The following SOX6 variants were observed in gnomAD, a reference collection of about 807,000 sequenced individuals.
SOX6 encodes SRY-box transcription factor 6.
SOX6 carries 11 observed loss-of-function variants against 97.8 expected under a neutral mutation model. That is an observed-to-expected ratio of 0.11 (90% CI 0.07 to 0.19). SOX6 has a LOEUF of 0.19. Ranked by LOEUF, SOX6 falls within the 10% of genes least tolerant of loss-of-function variation. The probability of loss-of-function intolerance (pLI) is 1.00; values close to 1 mark genes in which losing one functional copy is unlikely to be tolerated. For missense variants in SOX6, 810 were observed against 1,039.5 expected, an observed-to-expected ratio of 0.78 and a Z score of 3.04; for synonymous variants, 360 against 371.4, an observed-to-expected ratio of 0.97 and a Z score of 0.35.
intron 3 of SOX6, among the ~76,000 whole-genome samples, chr11:16,622,542 A>C (rs895635876): frequency 3.3e-5 from 5 of 152,106 alleles, no homozygotes; most frequent in African/African-American, 1.2e-4. Context: ...TTCCTGAGTT[A>C]CTCTGCTTAC....
intron 4 of SOX6, among the ~76,000 whole-genome samples, chr11:16,539,373 A>T (rs931200279): frequency 6.6e-6 from 1 of 152,238 alleles, no homozygotes; most frequent in Non-Finnish European, 1.5e-5. Context: ...AGCAGGAAAC[A>T]TCTAAAATCG....
At chr11:16,202,966 G>A (rs1302580804) in intron 4 of SOX6, among the ~76,000 whole-genome samples, 3 of 152,104 alleles carry the variant, frequency 2.0e-5, no homozygotes, top group South Asian at 2.1e-4. Context: ...TCTGCCATTC[G>A]TGGATGTTTC....
chr11:16,504,401 T>C (rs1244118218), intron 4 of SOX6, among the ~76,000 whole-genome samples: 1 of 152,062 alleles, frequency 6.6e-6, no homozygotes, highest in Non-Finnish European at 1.5e-5. Flanking sequence ...AGTTTCAGGA[T>C]ACAAAATACA....
intron 4 of SOX6, among the ~76,000 whole-genome samples, chr11:16,213,195 C>T (rs570525640): frequency 6.6e-6 from 1 of 151,876 alleles, no homozygotes; most frequent in African/African-American, 2.4e-5. Flanking sequence ...AATGTTATGC[C>T]CAGAAAGCTT....
At chr11:16,353,394 A>G (rs976442179) in intron 1 of SOX6, among the ~76,000 whole-genome samples, 3 of 152,106 alleles carry the variant, frequency 2.0e-5, no homozygotes, top group African/African-American at 7.2e-5. Context: ...GAGGAAAAGA[A>G]ATAGAAAAGC....
chr11:16,631,617 G>A (rs559017551), intron 3 of SOX6, among the ~76,000 whole-genome samples: 102 of 152,226 alleles, frequency 6.7e-4, no homozygotes, highest in Middle Eastern at 3.4e-3. Context: ...GGATCTGGAT[G>A]TCTACCTCTC....
chr11:16,586,088 C>T (rs765620167), intron 4 of SOX6, among the ~76,000 whole-genome samples: 15 of 151,928 alleles, frequency 9.9e-5, no homozygotes, highest in Admixed American at 2.0e-4. Flanking sequence ...CAGGCTGAAA[C>T]GATTACTAAG....
chr11:16,265,694 G>A (rs953291732), intron 3 of SOX6, among the ~76,000 whole-genome samples: 8 of 151,848 alleles, frequency 5.3e-5, no homozygotes, highest in African/African-American at 1.9e-4. Flanking sequence ...TTTTTTACAT[G>A]TTTGCTAAGC....
chr11:16,386,448 C>A (rs1006702034), intron 1 of SOX6, among the ~76,000 whole-genome samples: 2 of 152,030 alleles, frequency 1.3e-5, no homozygotes, highest in African/African-American at 4.8e-5. Context: ...CTACAAGATA[C>A]AGATTCCTGC....
intron 3 of SOX6, among the ~76,000 whole-genome samples, chr11:16,681,781 T>C (rs568278442): frequency 2.0e-5 from 3 of 152,242 alleles, no homozygotes; most frequent in South Asian, 2.1e-4. Flanking sequence ...AAAGGGGATA[T>C]TGCCACTGAT....
At chr11:16,609,689 A>G (rs1848374730) in intron 4 of SOX6, among the ~76,000 whole-genome samples, 1 of 152,314 alleles carries the variant, frequency 6.6e-6, no homozygotes, top group South Asian at 2.1e-4. Flanking sequence ...AATATACTCC[A>G]TGTTGGTTTC....
intron 6 of SOX6, among the ~76,000 whole-genome samples, chr11:16,141,870 A>T (rs1850152596): frequency 6.6e-6 from 1 of 152,128 alleles, no homozygotes; most frequent in Admixed American, 6.5e-5. Flanking sequence ...TCGAACTGGG[A>T]GGAGCCCACT....
chr11:16,558,924 G>A (rs548873287), intron 4 of SOX6, among the ~76,000 whole-genome samples: 16 of 152,022 alleles, frequency 1.1e-4, no homozygotes, highest in African/African-American at 3.1e-4. Context: ...TTTTAGCATC[G>A]GAAAGCATTT....
chr11:15,974,920 TG>T (rs1853429832), intron 15 of SOX6, among the ~76,000 whole-genome samples: 1 of 152,206 alleles, frequency 6.6e-6, no homozygotes, highest in Non-Finnish European at 1.5e-5. Flanking sequence ...AATCAGACCT[TG>T]CTTCAAGCCC....
intron 1 of SOX6, among the ~76,000 whole-genome samples, chr11:16,425,562 A>T (rs1234616874): frequency 1.3e-5 from 2 of 152,172 alleles, no homozygotes; most frequent in East Asian, 3.9e-4. Flanking sequence ...TACATCTAGA[A>T]AAAAACCCAT....
At chr11:16,628,660 A>G (rs1848660895) in intron 3 of SOX6, among the ~76,000 whole-genome samples, 1 of 151,950 alleles carries the variant, frequency 6.6e-6, no homozygotes, top group Non-Finnish European at 1.5e-5. Context: ...GAAAAATGAC[A>G]TTGGTATTTT....
At chr11:16,076,309 T>A (rs1462324648) in intron 9 of SOX6, among the ~76,000 whole-genome samples, 1 of 147,500 alleles carries the variant, frequency 6.8e-6, no homozygotes, top group Admixed American at 6.8e-5. Context: ...ATCAACAGAA[T>A]AAATAGACAA....
rs534617194 is a variant in SOX6 at position 16,592,660 on chromosome 11, T to C, written n.609+19421A>G. ...GTTAAATGAGCAAAATTAATAACTA[T>C]ATAAGCATAGCCTCATAAAATGTAA... On this transcript the variant is annotated intron_variant and non_coding_transcript_variant, in intron 4 of 5. Transcript: ENST00000524520. 2.8e-4 allele frequency among the ~76,000 whole-genome samples: 42 copies of C among 152,252 alleles called. No individual in the cohort carries two copies. In the South Asian group the frequency reaches 8.7e-3, roughly 32 times the overall value.
chr11:16,550,581 T>G (rs999979702), intron 4 of SOX6, among the ~76,000 whole-genome samples: 1 of 152,152 alleles, frequency 6.6e-6, no homozygotes, highest in African/African-American at 2.4e-5. Flanking sequence ...AGAGTGAATT[T>G]CATTGCTCTA....
Sources: gnomAD v4.1 joint callset for allele counts (sites outside exome capture counted in the v4.1 genomes callset) on GRCh38, gnomAD v4.1.1 for gene constraint, MANE v1.5 for transcripts, NCBI Gene and HGNC (gene_info 2026-07-23, HGNC 2026-07-21) for gene names.